ERC2: variants seen among roughly 807,000 people sequenced by gnomAD.
The protein encoded by ERC2 is ERC protein 2.
In ERC2, 42 loss-of-function variants were observed where a neutral mutation model predicts 114.8. The observed-to-expected ratio is 0.37, with a 90% CI of 0.29 to 0.47. The LOEUF (loss-of-function observed/expected upper bound fraction) is 0.47. Among genes scored for constraint, ERC2 ranks in the 20% least tolerant of loss-of-function variants. The pLI, the probability that ERC2 is intolerant of heterozygous loss-of-function variation, is 0.99. For missense variants in ERC2, 939 were observed against 1,150.7 expected (o/e 0.82, Z 2.66); for synonymous variants, 454 against 425.5 (o/e 1.07, Z -0.82).
intron 16 of ERC2, among the ~76,000 whole-genome samples, chr3:55,684,097 C>G (rs1484438716): frequency 6.6e-6 from 1 of 152,176 alleles, no homozygotes; most frequent in Non-Finnish European, 1.5e-5. Flanking sequence ...ATTCCACCCA[C>G]CCAGCTCTGA....
At chr3:56,242,598 G>A (rs2051397876) in intron 3 of ERC2, among the ~76,000 whole-genome samples, 1 of 152,048 alleles carries the variant, frequency 6.6e-6, no homozygotes, top group Non-Finnish European at 1.5e-5. Flanking sequence ...GTAACAATTA[G>A]ATGTAAAATT....
In ERC2 at chr3:55,509,643, T is replaced by C. The variant is rs950809725; in HGVS notation, c.*1673A>G. ...TAACCGCGAATGCACCAAGAAAGAA[T>C]GGTGCAACTCAGGGACGGTTTCATC... is the stretch of plus-strand genomic sequence containing the variant. On this transcript the variant is annotated 3_prime_UTR_variant, in exon 18 of 18. Transcript: ENST00000288221. 6.6e-6 allele frequency: 1 copy of C among 152,630 alleles called. No homozygotes were observed. The highest frequency in any genetic ancestry group is 6.5e-5 in the Admixed American group (1 of 15,284). 9.5% of individuals were successfully genotyped at this position (152,630 alleles called of 1,614,324 possible).
intron 6 of ERC2, among the ~76,000 whole-genome samples, chr3:56,105,940 AGTC>A: frequency 6.6e-6 from 1 of 152,360 alleles, no homozygotes; most frequent in African/African-American, 2.4e-5. Context: ...ACAACTTGAA[AGTC>A]AGAAAAATGG....
At chr3:56,009,795 C>A (rs917541683) in intron 9 of ERC2, among the ~76,000 whole-genome samples, 1 of 152,184 alleles carries the variant, frequency 6.6e-6, no homozygotes, top group African/African-American at 2.4e-5. Context: ...CCAAAGCATC[C>A]TCTTCATAAC....
intron 6 of ERC2, among the ~76,000 whole-genome samples, chr3:56,118,871 T>C (rs541558938): frequency 6.6e-6 from 1 of 152,030 alleles, no homozygotes; most frequent in Admixed American, 6.5e-5. Context: ...CTCCTGACCT[T>C]GTGACCCACC....
intron 15 of ERC2, among the ~76,000 whole-genome samples, chr3:55,703,451 C>T (rs2148833612): frequency 1.3e-5 from 2 of 152,334 alleles, no homozygotes; most frequent in Middle Eastern, 6.8e-3. Flanking sequence ...CTTTCCTAAG[C>T]CCGCCTCTTC....
intron 14 of ERC2, among the ~76,000 whole-genome samples, chr3:55,787,453 T>C (rs908636283): frequency 6.6e-6 from 1 of 152,122 alleles, no homozygotes; most frequent in Non-Finnish European, 1.5e-5. Context: ...TATTAATACC[T>C]AGTAGGGTTG....
At chr3:56,213,578 T>C (rs1314133343) in intron 3 of ERC2, among the ~76,000 whole-genome samples, 2 of 152,202 alleles carry the variant, frequency 1.3e-5, no homozygotes, top group African/African-American at 4.8e-5. Flanking sequence ...CTGTAGACTC[T>C]GCCTCTGGGG....
At chr3:56,043,902 C>A (rs981835382) in intron 7 of ERC2, among the ~76,000 whole-genome samples, 4 of 152,172 alleles carry the variant, frequency 2.6e-5, no homozygotes, top group Admixed American at 1.3e-4. Flanking sequence ...TAAAAAAAAT[C>A]ATTAAACTCT....
chr3:55,947,735 T>C (rs2067223188), intron 13 of ERC2, among the ~76,000 whole-genome samples: 1 of 152,188 alleles, frequency 6.6e-6, no homozygotes, highest in African/African-American at 2.4e-5. Context: ...CCTGCAAATC[T>C]GTAAGAATAA....
chr3:56,224,771 C>T (rs1564908), intron 3 of ERC2, among the ~76,000 whole-genome samples: 135,487 of 152,064 alleles, frequency 0.89, 61,433 homozygotes, highest in East Asian at 1. Flanking sequence ...TTCTACATTC[C>T]ACTTCCTGGG....
At chr3:56,306,412 T>A (rs1210169436) in intron 2 of ERC2, among the ~76,000 whole-genome samples, 1 of 152,208 alleles carries the variant, frequency 6.6e-6, no homozygotes, top group Non-Finnish European at 1.5e-5. Flanking sequence ...AATGGGATGT[T>A]AGATTATTGT....
chr3:55,726,764 A>G (rs1156487930), intron 15 of ERC2, among the ~76,000 whole-genome samples: 1 of 152,066 alleles, frequency 6.6e-6, no homozygotes, highest in East Asian at 1.9e-4. Flanking sequence ...ACCCCATGGG[A>G]GGGGGATCAC....
Position 55,955,732 on chromosome 3 carries a change from C to T in ERC2, c.2268-5172G>A, listed in dbSNP as rs111852000. Among the ~76,000 whole-genome samples, 802 of 152,260 alleles carry T rather than the reference C, an allele frequency of 5.3e-3. 10 individuals carry two copies. Among genetic ancestry groups the T allele is most frequent in the African/African-American group, 0.019 (770 of 41,546 alleles). Reference sequence around the variant, plus strand: ...ATACCAGTCTTTTTGTGGATATATGCATTCATTTCTCTTGGACAAATAAGT... The same window carrying T: ...ATACCAGTCTTTTTGTGGATATATGTATTCATTTCTCTTGGACAAATAAGT... On this transcript the variant is annotated intron_variant, in intron 12 of 17. Coordinates refer to ENST00000288221, the MANE Select transcript of ERC2 (RefSeq NM_015576.3).
At chr3:55,721,165 G>A (rs927431944) in intron 15 of ERC2, among the ~76,000 whole-genome samples, 1 of 152,206 alleles carries the variant, frequency 6.6e-6, no homozygotes, top group Non-Finnish European at 1.5e-5. Flanking sequence ...CTGCCTTTAC[G>A]TGCAGATTAG....
chr3:55,845,470 C>T (rs1261268711), intron 14 of ERC2, among the ~76,000 whole-genome samples: 7 of 137,366 alleles, frequency 5.1e-5, no homozygotes, highest in African/African-American at 1.1e-4. Context: ...CGCCACTGCA[C>T]TCCAGCCTGG....
intron 15 of ERC2, among the ~76,000 whole-genome samples, chr3:55,710,741 C>T (rs1465313648): frequency 6.6e-6 from 1 of 152,054 alleles, no homozygotes; most frequent in African/African-American, 2.4e-5. Flanking sequence ...TTGGGGAGAC[C>T]GTCTCGTAGA....
At chr3:56,325,902 ATACT>A (rs1262996343) in intron 2 of ERC2, among the ~76,000 whole-genome samples, 3 of 152,188 alleles carry the variant, frequency 2.0e-5, no homozygotes, top group Non-Finnish European at 4.4e-5. Context: ...CCCCAATGCT[ATACT>A]TCCAGGTAGG....
intron 7 of ERC2, among the ~76,000 whole-genome samples, chr3:56,055,405 T>C (rs2149694558): frequency 6.6e-6 from 1 of 152,176 alleles, no homozygotes; most frequent in East Asian, 1.9e-4. Context: ...GTGATATCAC[T>C]TTTTTTTCAG....
Sources: gnomAD v4.1 joint callset for allele counts (sites outside exome capture counted in the v4.1 genomes callset) on GRCh38, gnomAD v4.1.1 for gene constraint, MANE v1.5 for transcripts, NCBI Gene and HGNC (gene_info 2026-07-23, HGNC 2026-07-21) for gene names.